CRTAM: variants seen among roughly 807,000 people sequenced by gnomAD.
CRTAM encodes cytotoxic and regulatory T-cell molecule.
A neutral mutation model predicts 50.0 loss-of-function variants in CRTAM; 44 were observed. The observed-to-expected ratio is 0.88, with a 90% CI of 0.69 to 1.13. The LOEUF (loss-of-function observed/expected upper bound fraction) is 1.13, where lower values mean the gene tolerates loss of function less well. CRTAM is among the 50% of genes most tolerant of loss of function. The pLI is 0.00. For synonymous variants in CRTAM, 159 were observed against 169.3 expected (o/e 0.94, Z 0.47); for missense variants, 448 against 457.5 (o/e 0.98, Z 0.19).
At chr11:122,853,810 T>C in intron 3 of CRTAM, 133 bp from the exon 4 acceptor site, 1 of 762,168 alleles carries the variant, frequency 1.3e-6, no homozygotes. Context: ...GGAGACTAAG[T>C]CTAAAAAAAA....
intron 1 of CRTAM, among the ~76,000 whole-genome samples, chr11:122,848,470 T>C (rs983041276): frequency 1.3e-5 from 2 of 152,208 alleles, no homozygotes; most frequent in South Asian, 4.1e-4. Flanking sequence ...TCCTTGTTGT[T>C]CATTATGGTA....
At chr11:122,853,458 C>T (rs73602760) in intron 3 of CRTAM, among the ~76,000 whole-genome samples, 16,935 of 152,090 alleles carry the variant, frequency 0.11, 1,025 homozygotes, top group African/African-American at 0.13. Flanking sequence ...CACATTCTGG[C>T]TTCAGCCAAA....
chr11:122,871,535 A>G lies in CRTAM; in HGVS notation c.*136A>G, dbSNP rs1208897397. On this transcript the variant is annotated 3_prime_UTR_variant, in exon 10 of 10. Transcript: ENST00000227348. ...CAATGCAAGATGGTGTCCTCGGATA[A>G]TGATCTGCCCCGGAGCTAGGGCAGC... 1 of 649,904 alleles carries G rather than the reference A, an allele frequency of 1.5e-6. No individual in the cohort carries two copies. The highest frequency in any genetic ancestry group is 3.2e-5 in the East Asian group (1 of 31,244). The allele number at this position is 649,904 out of a possible 1,614,324, so 40.3% of individuals were successfully genotyped here.
At chr11:122,852,403 A>T (rs1430459113) in intron 3 of CRTAM, among the ~76,000 whole-genome samples, 2 of 152,236 alleles carry the variant, frequency 1.3e-5, no homozygotes, top group Non-Finnish European at 2.9e-5. Flanking sequence ...GGACTTACTC[A>T]GTTCTACAGA....
At chr11:122,855,991 C>G in intron 5 of CRTAM, 135 bp downstream of exon 5, 1 of 685,378 alleles carries the variant, frequency 1.5e-6, no homozygotes, top group East Asian at 2.8e-5. Context: ...ATAGCAAATT[C>G]CTGTACTGAT....
In CRTAM at chr11:122,868,188, ATGTGTGTGTGTGTGTGTGTG is replaced by A. The variant is rs58440037; in HGVS notation, c.1051+119_1051+138del. 119 of 440,000 alleles carry A rather than the reference ATGTGTGTGTGTGTGTGTGTG, an allele frequency of 2.7e-4. 1 individual carries two copies. The highest frequency in any genetic ancestry group is 6.4e-4 in the Middle Eastern group (1 of 1,564). 27.3% of individuals were successfully genotyped at this position (440,000 alleles called of 1,614,324 possible). ...TCCAGAGAGACAGAGACAACAGAAT[ATGTGTGTGTGTGTGTGTGTG>A]TGTGTGTGTGTGTGTGTGTGTGTGT... On this transcript the variant is annotated intron_variant, in intron 9 of 9. Transcript: ENST00000227348.
chr11:122,866,237 C>T (rs1025253650), intron 7 of CRTAM, among the ~76,000 whole-genome samples: 1 of 152,134 alleles, frequency 6.6e-6, no homozygotes, highest in Non-Finnish European at 1.5e-5. Context: ...ATCCTCACTG[C>T]CCCTGGTGGA....
At chr11:122,845,738 A>C (rs1861855440) in intron 1 of CRTAM, among the ~76,000 whole-genome samples, 3 of 151,978 alleles carry the variant, frequency 2.0e-5, no homozygotes, top group Non-Finnish European at 2.9e-5. Flanking sequence ...GGAGGGACAT[A>C]GGGTAGAATA....
At chr11:122,864,608 G>T (rs1179828097) in intron 6 of CRTAM, 28 bp from the exon 7 acceptor site, 1 of 1,507,318 alleles carries the variant, frequency 6.6e-7, no homozygotes, top group Admixed American at 1.7e-5. Flanking sequence ...TGCATGCATA[G>T]CTCATGTTTT....
chr11:122,866,128 C>G (rs550575396), intron 7 of CRTAM, among the ~76,000 whole-genome samples: 1 of 152,286 alleles, frequency 6.6e-6, no homozygotes, highest in East Asian at 1.9e-4. Context: ...TAGGTGCCAT[C>G]TATTACCTAC....
At chr11:122,864,349 C>G (rs1025775336) in intron 6 of CRTAM, among the ~76,000 whole-genome samples, 3 of 152,156 alleles carry the variant, frequency 2.0e-5, no homozygotes, top group Non-Finnish European at 2.9e-5. Context: ...CTGCTCTAAA[C>G]CTCCGTTTTC....
intron 3 of CRTAM, among the ~76,000 whole-genome samples, chr11:122,852,525 TCA>T: frequency 6.6e-6 from 1 of 152,308 alleles, no homozygotes; most frequent in East Asian, 1.9e-4. Flanking sequence ...ATCTCACATA[TCA>T]CACAAATGAA....
intron 5 of CRTAM, among the ~76,000 whole-genome samples, chr11:122,858,595 T>C (rs1043862015): frequency 3.3e-5 from 5 of 152,104 alleles, no homozygotes; most frequent in Non-Finnish European, 5.9e-5. Flanking sequence ...TGTAGTGCAA[T>C]CATAGCTCGC....
At chr11:122,856,856 T>C (rs907717714) in intron 5 of CRTAM, among the ~76,000 whole-genome samples, 1 of 152,170 alleles carries the variant, frequency 6.6e-6, no homozygotes, top group Non-Finnish European at 1.5e-5. Context: ...GTAAGACTCA[T>C]GGACCTACAG....
At chr11:122,856,904 C>T (rs1862014263) in intron 5 of CRTAM, among the ~76,000 whole-genome samples, 1 of 152,042 alleles carries the variant, frequency 6.6e-6, no homozygotes, top group Non-Finnish European at 1.5e-5. Context: ...CCACCCCCAC[C>T]CCTCTGTGAG....
intron 3 of CRTAM, among the ~76,000 whole-genome samples, chr11:122,853,096 C>G (rs1431981194): frequency 6.7e-6 from 1 of 149,672 alleles, no homozygotes; most frequent in Non-Finnish European, 1.5e-5. Context: ...TGGGGTCTTG[C>G]TCTGTTGCCC....
At chr11:122,866,949 GCC>G (rs1348088992) in intron 7 of CRTAM, among the ~76,000 whole-genome samples, 1 of 152,020 alleles carries the variant, frequency 6.6e-6, no homozygotes, top group African/African-American at 2.4e-5. Flanking sequence ...TAGCCCAAAT[GCC>G]TTCCTGTAGG....
chr11:122,868,173 CAG>C, intron 9 of CRTAM, 74 bp downstream of exon 9: 2 of 772,016 alleles, frequency 2.6e-6, no homozygotes, highest in Non-Finnish European at 4.3e-6. Flanking sequence ...TCCAGAGAGA[CAG>C]AGACAACAGA....
intron 7 of CRTAM, among the ~76,000 whole-genome samples, chr11:122,867,122 T>G (rs951313745): frequency 1.3e-5 from 2 of 152,242 alleles, no homozygotes; most frequent in Non-Finnish European, 2.9e-5. Context: ...TTTTCTCATA[T>G]GCTTTCTGTA....
Sources: gnomAD v4.1 joint callset for allele counts (sites outside exome capture counted in the v4.1 genomes callset) on GRCh38, gnomAD v4.1.1 for gene constraint, MANE v1.5 for transcripts, NCBI Gene and HGNC (gene_info 2026-07-23, HGNC 2026-07-21) for gene names.